The following SLC2A13 variants were observed in gnomAD, a reference collection of about 807,000 sequenced individuals.
SLC2A13 encodes solute carrier family 2 member 13.
In SLC2A13, 32 loss-of-function variants were observed where a neutral mutation model predicts 64.4. The ratio of observed to expected loss-of-function variants is 0.50; its 90% CI spans 0.37 to 0.67. SLC2A13 has a LOEUF of 0.67. Ranked by LOEUF, SLC2A13 falls within the 30% of genes least tolerant of loss-of-function variation. SLC2A13 has a pLI of 0.00. For synonymous variants in SLC2A13, 338 were observed against 327.1 expected, an observed-to-expected ratio of 1.03 and a Z score of -0.36; for missense variants, 743 against 829.2, an observed-to-expected ratio of 0.90 and a Z score of 1.28.
chr12:40,058,016 G>A (rs549392329), intron 1 of SLC2A13, among the ~76,000 whole-genome samples: 2 of 151,670 alleles, frequency 1.3e-5, no homozygotes, highest in South Asian at 2.1e-4. Flanking sequence ...ATGTCCCTAT[G>A]CTGCTTACAC....
intron 4 of SLC2A13, among the ~76,000 whole-genome samples, chr12:39,933,208 G>A (rs1024194670): frequency 5.9e-5 from 9 of 152,148 alleles, no homozygotes; most frequent in South Asian, 2.1e-4. Context: ...CAGCCTGGGC[G>A]ACAGAGCAAG....
chr12:40,064,252 A>G (rs180752104), intron 1 of SLC2A13, among the ~76,000 whole-genome samples: 2 of 152,104 alleles, frequency 1.3e-5, no homozygotes, highest in Non-Finnish European at 2.9e-5. Flanking sequence ...TGTCTCTAAA[A>G]TATATATATT....
At chr12:39,957,525 T>C (rs1946337313) in intron 3 of SLC2A13, among the ~76,000 whole-genome samples, 1 of 152,140 alleles carries the variant, frequency 6.6e-6, no homozygotes, top group African/African-American at 2.4e-5. Context: ...CCAGCCTCAG[T>C]TCCAGATTTA....
intron 3 of SLC2A13, among the ~76,000 whole-genome samples, chr12:39,998,563 C>G (rs965945303): frequency 6.6e-6 from 1 of 152,178 alleles, no homozygotes. Flanking sequence ...TGTGTGAGAC[C>G]TGTAGCCCCT....
rs78861459 is a variant in SLC2A13 at position 39,796,739 on chromosome 12, C to G, written c.1446-31881G>C. Among the ~76,000 whole-genome samples, 769 of 152,274 alleles carry G rather than the reference C, an allele frequency of 5.1e-3. 1 individual carries two copies. Among genetic ancestry groups the G allele is most frequent in the Non-Finnish European group, 7.8e-3 (528 of 68,022 alleles). On this transcript the variant is annotated intron_variant, in intron 7 of 9. Transcript: ENST00000280871. ...GTTTAGATGGGTCTTTTGGTTTCAG[C>G]AGTTCAGCCTATATGCCAACTAACA...
intron 1 of SLC2A13, among the ~76,000 whole-genome samples, chr12:40,093,876 G>A (rs899832824): frequency 5.3e-5 from 8 of 152,140 alleles, no homozygotes; most frequent in African/African-American, 1.4e-4. Flanking sequence ...GAGGTGGGGA[G>A]CTAATCAGGG....
intron 7 of SLC2A13, among the ~76,000 whole-genome samples, chr12:39,819,563 CT>C (rs1942432221): frequency 1.3e-5 from 2 of 152,072 alleles, no homozygotes; most frequent in Non-Finnish European, 2.9e-5. Context: ...TTTCATTTAC[CT>C]TTTCTCTCAA....
intron 4 of SLC2A13, among the ~76,000 whole-genome samples, chr12:39,940,765 T>A (rs1946008470): frequency 6.6e-6 from 1 of 152,128 alleles, no homozygotes; most frequent in Non-Finnish European, 1.5e-5. Context: ...TTTGGCTACA[T>A]GAGTAACTTC....
At chr12:39,937,800 G>T (rs1280774437) in intron 4 of SLC2A13, among the ~76,000 whole-genome samples, 2 of 152,132 alleles carry the variant, frequency 1.3e-5, no homozygotes, top group Admixed American at 6.6e-5. Flanking sequence ...TTTAGCTACA[G>T]ATCCCCCACC....
In SLC2A13 at chr12:39,895,553, C is replaced by T. The variant is rs772627984; in HGVS notation, c.1035-23592G>A. On this transcript the variant is annotated intron_variant, in intron 4 of 9. Coordinates refer to ENST00000280871, the MANE Select transcript of SLC2A13 (RefSeq NM_052885.4). ...ATATATATATATATATATATATATACACACACACACACACGTGTATATGTA... is the reference window on the plus strand; with the variant it reads ...ATATATATATATATATATATATATATACACACACACACACGTGTATATGTA... 5.0e-4 allele frequency among the ~76,000 whole-genome samples: 60 copies of T among 120,956 alleles called. 2 individuals carry two copies. Among genetic ancestry groups the T allele is most frequent in the South Asian group, 1.7e-3 (7 of 4,020 alleles). The allele number at this position is 120,956 out of a possible 152,430, so 79.4% of individuals were successfully genotyped here.
At chr12:40,039,994 T>A (rs1948058399) in intron 2 of SLC2A13, among the ~76,000 whole-genome samples, 1 of 152,250 alleles carries the variant, frequency 6.6e-6, no homozygotes, top group Admixed American at 6.5e-5. Flanking sequence ...TGTTTTATAA[T>A]GGTCATCTTC....
At chr12:39,820,093 C>T (rs995220368) in intron 7 of SLC2A13, among the ~76,000 whole-genome samples, 3 of 151,788 alleles carry the variant, frequency 2.0e-5, no homozygotes, top group African/African-American at 7.3e-5. Flanking sequence ...CCAATCTTTC[C>T]CCTATAACTC....
At chr12:39,961,831 CT>C (rs1433778568) in intron 3 of SLC2A13, among the ~76,000 whole-genome samples, 3 of 151,510 alleles carry the variant, frequency 2.0e-5, no homozygotes, top group African/African-American at 7.3e-5. Flanking sequence ...CAGAGTCTCA[CT>C]CTGTCACCTA....
chr12:40,062,974 AG>A (rs1269147359), intron 1 of SLC2A13, among the ~76,000 whole-genome samples: 1 of 152,114 alleles, frequency 6.6e-6, no homozygotes, highest in African/African-American at 2.4e-5. Context: ...CTATTTTACA[AG>A]TTGTTTTATA....
intron 4 of SLC2A13, among the ~76,000 whole-genome samples, chr12:39,915,869 A>ACAT (rs1455238944): frequency 6.6e-6 from 1 of 152,014 alleles, no homozygotes; most frequent in Admixed American, 6.6e-5. Flanking sequence ...TCAATGCCTG[A>ACAT]CATCATCACG....
At chr12:39,777,390 AG>A (rs150322327) in intron 7 of SLC2A13, among the ~76,000 whole-genome samples, 2,327 of 152,336 alleles carry the variant, frequency 0.015, 54 homozygotes, top group African/African-American at 0.051. Context: ...AGAAATCTAC[AG>A]CAGAGAAGTG....
At chr12:39,829,579 A>T (rs796800613) in intron 7 of SLC2A13, 6 of 159,154 alleles carry the variant, frequency 3.8e-5, no homozygotes, top group African/African-American at 1.5e-4. Flanking sequence ...ACTCTCAGCT[A>T]ATTTTTGTAT....
chr12:40,079,406 A>G (rs1447395806), intron 1 of SLC2A13, among the ~76,000 whole-genome samples: 1 of 152,168 alleles, frequency 6.6e-6, no homozygotes, highest in Non-Finnish European at 1.5e-5. Context: ...TTTCCAAGTA[A>G]TTGTACAGTT....
chr12:39,930,473 G>C (rs564356703), intron 4 of SLC2A13, among the ~76,000 whole-genome samples: 41 of 152,270 alleles, frequency 2.7e-4, no homozygotes, highest in African/African-American at 5.5e-4. Context: ...TGTGTATTGT[G>C]GGGGAGCAGT....
Sources: gnomAD v4.1 joint callset for allele counts (sites outside exome capture counted in the v4.1 genomes callset) on GRCh38, gnomAD v4.1.1 for gene constraint, MANE v1.5 for transcripts, NCBI Gene and HGNC (gene_info 2026-07-23, HGNC 2026-07-21) for gene names.